The following IGSF10 variants were observed in gnomAD, a reference collection of about 807,000 sequenced individuals.
The protein encoded by IGSF10 is calvaria mechanical force protein 608.
In IGSF10, 126 loss-of-function variants were observed where a neutral mutation model predicts 128.2. That is an observed-to-expected ratio of 0.98 (90% CI 0.85 to 1.14). The LOEUF is 1.14. Among genes scored for constraint, IGSF10 ranks in the 50% most tolerant of loss-of-function variants. IGSF10 has a pLI of 0.00. For synonymous variants in IGSF10, 1,185 were observed against 1,146.2 expected (o/e 1.03, Z -0.68); for missense variants, 3,295 against 3,149.8 (o/e 1.05, Z -1.10).
chr3:151,460,867 C>T, intron 1 of IGSF10, 79 bp downstream of exon 1: 1 of 923,788 alleles, frequency 1.1e-6, no homozygotes, highest in Non-Finnish European at 1.3e-6. Context: ...AGCCACGGTA[C>T]TCGCTCCATT....
chr3:151,573,718 G>T, the IGSF10 span, among the ~76,000 whole-genome samples: 1 of 152,154 alleles, frequency 6.6e-6, no homozygotes, highest in Non-Finnish European at 1.5e-5. Context: ...GGGGCATTTA[G>T]CCCATTTACA....
At chr3:151,564,268 G>A in the IGSF10 span, among the ~76,000 whole-genome samples, 1 of 151,974 alleles carries the variant, frequency 6.6e-6, no homozygotes, top group African/African-American at 2.4e-5. Flanking sequence ...ATATTATCGG[G>A]TTTCATACTC....
chr3:151,541,659 AT>A, the IGSF10 span, among the ~76,000 whole-genome samples: 1 of 152,118 alleles, frequency 6.6e-6, no homozygotes, highest in East Asian at 1.9e-4. Context: ...TAGTATCTCT[AT>A]TTTTTATTAT....
At chr3:151,550,446 A>C in the IGSF10 span, among the ~76,000 whole-genome samples, 1 of 152,156 alleles carries the variant, frequency 6.6e-6, no homozygotes, top group Non-Finnish European at 1.5e-5. Flanking sequence ...CGGACAAGAG[A>C]AAGGGCATTT....
At chr3:151,580,952 ATTTTT>A in the IGSF10 span, among the ~76,000 whole-genome samples, 2 of 146,292 alleles carry the variant, frequency 1.4e-5, no homozygotes, top group African/African-American at 2.5e-5. Context: ...ATAAAATCAG[ATTTTT>A]TTTTTTTTAA....
At chr3:151,570,529 T>C in the IGSF10 span, among the ~76,000 whole-genome samples, 2 of 152,246 alleles carry the variant, frequency 1.3e-5, no homozygotes, top group South Asian at 4.1e-4. Context: ...TGTATAAATG[T>C]CTTCTTTTGA....
At chr3:151,606,054 G>A in the IGSF10 span, among the ~76,000 whole-genome samples, 2 of 152,162 alleles carry the variant, frequency 1.3e-5, no homozygotes, top group Non-Finnish European at 2.9e-5. Context: ...ATTTCACTGG[G>A]TGACATTTCC....
In IGSF10 at chr3:151,436,933, CCT is replaced by C. The variant is rs767701470; in HGVS notation, c.7626_7627del (p.Ala2544SerfsTer22). On this transcript the variant is annotated frameshift_variant, in exon 8 of 8. Coordinates refer to ENST00000282466, the MANE Select transcript of IGSF10 (RefSeq NM_178822.5). LOFTEE classifies it low-confidence loss of function (END_TRUNC). ...CACACAGTGGAGCTGAAAGGCTGCC[CCT>C]GTCCTGGTGACAATACTCCTGGGTG... The C allele has an allele frequency of 5.6e-6, 9 of 1,614,140 alleles. No individual in the cohort carries two copies. The highest frequency in any genetic ancestry group is 7.6e-6 in the Non-Finnish European group (9 of 1,180,006).
At chr3:151,495,940 G>T in the IGSF10 span, among the ~76,000 whole-genome samples, 1 of 152,012 alleles carries the variant, frequency 6.6e-6, no homozygotes, top group Non-Finnish European at 1.5e-5. Flanking sequence ...GAGATTTGCT[G>T]GATTTTTACC....
chr3:151,455,666 T>A (rs899106808), intron 4 of IGSF10, among the ~76,000 whole-genome samples: 3 of 152,248 alleles, frequency 2.0e-5, no homozygotes, highest in Non-Finnish European at 4.4e-5. Context: ...CTTTCTTTGC[T>A]GAATAGTATT....
At chr3:151,492,838 C>T in the IGSF10 span, among the ~76,000 whole-genome samples, 1 of 152,084 alleles carries the variant, frequency 6.6e-6, no homozygotes, top group Non-Finnish European at 1.5e-5. Flanking sequence ...ACTTGTACTC[C>T]TATGTTCACT....
the IGSF10 span, among the ~76,000 whole-genome samples, chr3:151,582,709 C>T: frequency 2.6e-5 from 4 of 151,926 alleles, no homozygotes; most frequent in African/African-American, 9.7e-5. Flanking sequence ...TCTATCTATC[C>T]ATCTCTATCA....
upstream of IGSF10, among the ~76,000 whole-genome samples, chr3:151,462,494 A>T (rs1439247242): frequency 2.0e-5 from 3 of 152,236 alleles, no homozygotes; most frequent in African/African-American, 7.2e-5. Flanking sequence ...TCACCATAGC[A>T]CCAAAAAGCC....
Position 151,437,172 on chromosome 3 carries a change from A to G in IGSF10, c.7389T>C (p.Asn2463=), listed in dbSNP as rs370357399. Residue 2463 remains asparagine (N), a synonymous_variant, in exon 8 of 8, where the codon AAT becomes AAC. Coordinates refer to ENST00000282466, the MANE Select transcript of IGSF10 (RefSeq NM_178822.5). ...HCVSDGIPKP[N]IKWTMPSGYV... The stretch of plus-strand genomic sequence containing the variant: ...AACCACTTGGCATAGTCCATTTGAT[A>G]TTTGGCTTAGGGATTCCATCAGACA... The G allele has an allele frequency of 6.2e-7, 1 of 1,614,192 alleles. No homozygotes were observed. The highest frequency in any genetic ancestry group is 8.5e-7 in the Non-Finnish European group (1 of 1,180,032).
At chr3:151,444,891 C>A (rs1420856096) in intron 6 of IGSF10, 28 bp downstream of exon 6, 1 of 1,533,124 alleles carries the variant, frequency 6.5e-7, no homozygotes, top group Non-Finnish European at 8.8e-7. Flanking sequence ...CTAACAAAAA[C>A]TAAGTGTAAA....
At chr3:151,542,505 C>T in the IGSF10 span, among the ~76,000 whole-genome samples, 2 of 152,168 alleles carry the variant, frequency 1.3e-5, no homozygotes, top group African/African-American at 4.8e-5. Context: ...TACATCCTTG[C>T]AGGGATACCC....
chr3:151,437,000 C>T lies in IGSF10; in HGVS notation c.7561G>A (p.Val2521Ile). ...SVGHTLITVPVMIVAYPPRIT... is the reference protein window; with the variant it reads ...SVGHTLITVPIMIVAYPPRIT... The stretch of plus-strand genomic sequence containing the variant: ...CGGGGAGGGTAGGCTACAATCATTA[C>T]TGGAACAGTAATCAGTGTATGACCA... The change falls in exon 8 of 8, where the codon GTA (valine) becomes ATA (isoleucine). Residue 2521 changes from valine (V) to isoleucine (I), a missense_variant. Val to Ile is a conservative substitution (Grantham distance 29, BLOSUM62 3). Transcript: ENST00000282466. 1 of 1,614,212 alleles carries T rather than the reference C, an allele frequency of 6.2e-7. No homozygotes were observed.
chr3:151,465,870 C>T (rs573675282), upstream of IGSF10, among the ~76,000 whole-genome samples: 4 of 152,268 alleles, frequency 2.6e-5, no homozygotes, highest in Admixed American at 1.3e-4. Context: ...GGAATATGCA[C>T]CTGTAACAAT....
chr3:151,614,486 C>A, the IGSF10 span, among the ~76,000 whole-genome samples: 1 of 152,168 alleles, frequency 6.6e-6, no homozygotes, highest in Non-Finnish European at 1.5e-5. Flanking sequence ...GGATACTATG[C>A]AGCCATAAAA....
Sources: gnomAD v4.1 joint callset for allele counts (sites outside exome capture counted in the v4.1 genomes callset) on GRCh38, gnomAD v4.1.1 for gene constraint, MANE v1.5 for transcripts, NCBI Gene and HGNC (gene_info 2026-07-23, HGNC 2026-07-21) for gene names.